Variants in KIAA0232 observed in about 807,000 individuals in gnomAD.
KIAA0232 encodes the protein uncharacterized protein KIAA0232.
A neutral mutation model predicts 122.0 loss-of-function variants in KIAA0232; 27 were observed. The observed-to-expected ratio is 0.22, with a 90% CI of 0.16 to 0.31. KIAA0232 has a LOEUF of 0.31. Among genes scored for constraint, KIAA0232 ranks in the 10% least tolerant of loss-of-function variants. The probability of loss-of-function intolerance (pLI) is 1.00; values close to 1 mark genes in which losing one functional copy is unlikely to be tolerated. For synonymous variants in KIAA0232, 613 were observed against 587.6 expected, an observed-to-expected ratio of 1.04 and a Z score of -0.63; for missense variants, 1,551 against 1,634.2, an observed-to-expected ratio of 0.95 and a Z score of 0.88.
At chr4:6,813,275 G>A (rs975270645) in intron 2 of KIAA0232, among the ~76,000 whole-genome samples, 1 of 151,594 alleles carries the variant, frequency 6.6e-6, no homozygotes, top group Non-Finnish European at 1.5e-5. Flanking sequence ...TAAATTACTT[G>A]TGTGAAGTGT....
intron 4 of KIAA0232, among the ~76,000 whole-genome samples, chr4:6,851,745 G>T (rs1211449682): frequency 6.8e-6 from 1 of 147,494 alleles, no homozygotes; most frequent in Non-Finnish European, 1.5e-5. Flanking sequence ...AAAAAAAAGC[G>T]GGGAGGGGTT....
chr4:6,854,927 A>G (rs556462336), intron 4 of KIAA0232, among the ~76,000 whole-genome samples: 1 of 152,192 alleles, frequency 6.6e-6, no homozygotes, highest in East Asian at 1.9e-4. Flanking sequence ...TAATTGGGAA[A>G]GTGAATAAAA....
intron 1 of KIAA0232, among the ~76,000 whole-genome samples, chr4:6,789,288 T>TC (rs1381808734): frequency 1.3e-5 from 2 of 148,318 alleles, no homozygotes; most frequent in African/African-American, 2.5e-5. Context: ...TTTTTTTTTT[T>TC]CCCGAGACTG....
At chr4:6,860,017 GT>G (rs973952003) in intron 6 of KIAA0232, among the ~76,000 whole-genome samples, 4 of 152,142 alleles carry the variant, frequency 2.6e-5, no homozygotes, top group African/African-American at 9.7e-5. Flanking sequence ...GGCCTCACAG[GT>G]AGTACTCACT....
chr4:6,813,350 TG>T (rs1717960879), intron 2 of KIAA0232, among the ~76,000 whole-genome samples: 1 of 148,414 alleles, frequency 6.7e-6, no homozygotes, highest in South Asian at 2.2e-4. Flanking sequence ...TACTTAGATC[TG>T]TTTTTTTTTT....
chr4:6,851,501 A>G (rs751569222), intron 4 of KIAA0232, among the ~76,000 whole-genome samples: 3 of 152,046 alleles, frequency 2.0e-5, no homozygotes, highest in African/African-American at 4.8e-5. Context: ...TGAGCCTGGC[A>G]GTTTGAAACC....
At chr4:6,816,375 C>G (rs750037374) in intron 2 of KIAA0232, among the ~76,000 whole-genome samples, 7 of 151,778 alleles carry the variant, frequency 4.6e-5, no homozygotes, top group African/African-American at 1.2e-4. Flanking sequence ...CTCTACCTCC[C>G]GGGTTCACGC....
Position 6,871,691 on chromosome 4 carries a change from A to T in KIAA0232, c.3910+9A>T. Reference sequence around the variant, plus strand: ...TGCATCAGAGTGTGAAGGTAAGGAGACCTTTGTTAGTTCATTTATTCATTG... The same window carrying T: ...TGCATCAGAGTGTGAAGGTAAGGAGTCCTTTGTTAGTTCATTTATTCATTG... On this transcript the variant is annotated intron_variant, in intron 8 of 9. Coordinates refer to ENST00000307659, the MANE Select transcript of KIAA0232 (RefSeq NM_014743.3). 1 of 1,483,898 alleles carries T rather than the reference A, an allele frequency of 6.7e-7. No homozygotes were observed. Among genetic ancestry groups the T allele is most frequent in the Non-Finnish European group, 9.3e-7 (1 of 1,071,026 alleles). The allele number at this position is 1,483,898 out of a possible 1,614,324, so 91.9% of individuals were successfully genotyped here. A position where few individuals can be genotyped will look rare whatever the true frequency, so the allele number is the denominator to read the frequency against.
At chr4:6,783,340 C>T (rs1241951962) in intron 1 of KIAA0232, among the ~76,000 whole-genome samples, 1 of 152,208 alleles carries the variant, frequency 6.6e-6, no homozygotes, top group Non-Finnish European at 1.5e-5. Context: ...GATGAGTCCG[C>T]ACAATGGGTT....
rs1720923892 is a variant in KIAA0232, at chr4:6,862,367, TTTC to T, written c.1988_1990del (p.Ser663del). 2 of 1,614,174 alleles carry T rather than the reference TTTC, an allele frequency of 1.2e-6. No individual in the cohort carries two copies. The highest frequency in any genetic ancestry group is 4.5e-5 in the East Asian group (2 of 44,886). On this transcript the variant is annotated inframe_deletion, in exon 7 of 10. Transcript: ENST00000307659. ...CAATGCAGTAATTCTGTTTTACCAT[TTTC>T]TTTTGAAACACTCAACTTGGGAAAT...
intron 3 of KIAA0232, among the ~76,000 whole-genome samples, chr4:6,830,034 ATTC>A (rs1270138755): frequency 6.6e-6 from 1 of 152,142 alleles, no homozygotes; most frequent in Non-Finnish European, 1.5e-5. Context: ...TTTGTTTATT[ATTC>A]TTATTAGGAG....
Position 6,822,320 on chromosome 4 carries a change from T to G in KIAA0232, c.-269-1865T>G, listed in dbSNP as rs547136036. Among the ~76,000 whole-genome samples, 5 of 152,320 alleles carry G rather than the reference T, an allele frequency of 3.3e-5. No homozygotes were observed. In the South Asian group the frequency reaches 1.0e-3, roughly 32 times the overall value. On this transcript the variant is annotated intron_variant, in intron 2 of 9. Transcript: ENST00000307659. ...AACATGTATTAGTGACACATTAATT[T>G]AGTAACTTAGTCCTGCGGTGAACTT...
At position 6,863,553 on chromosome 4, in the gene KIAA0232, A is replaced by G. The variant is rs200266262; in HGVS notation, c.3171A>G (p.Ser1057=). The G allele has an allele frequency of 2.5e-6, 4 of 1,614,224 alleles. No homozygotes were observed. Among genetic ancestry groups the G allele is most frequent in the Admixed American group, 3.3e-5 (2 of 60,012 alleles). ...CACAAGTTCTTCATGTAGAATGCTCATTTGAACCTGAAGGGATTGCATCTT... is the reference window on the plus strand; with the variant it reads ...CACAAGTTCTTCATGTAGAATGCTCGTTTGAACCTGAAGGGATTGCATCTT... ...PFSQVLHVEC[S]FEPEGIASFS... The change falls in exon 7 of 10, where the codon TCA becomes TCG. Residue 1057 remains serine, a synonymous_variant. Transcript: ENST00000307659.
At chr4:6,783,061 C>T in intron 1 of KIAA0232, among the ~76,000 whole-genome samples, 1 of 150,904 alleles carries the variant, frequency 6.6e-6, no homozygotes, top group African/African-American at 2.4e-5. Context: ...GCCGAGGGCT[C>T]CGGGGCCAGC....
At chr4:6,808,888 T>C (rs1045401231) in intron 2 of KIAA0232, among the ~76,000 whole-genome samples, 34 of 152,354 alleles carry the variant, frequency 2.2e-4, no homozygotes, top group African/African-American at 6.7e-4. Context: ...AAATGGTACA[T>C]GTGGAGGATG....
Position 6,792,683 on chromosome 4 carries a change from T to G in KIAA0232, c.-354+9842T>G, listed in dbSNP as rs112807732. 8.2e-3 allele frequency among the ~76,000 whole-genome samples: 1,118 copies of G among 135,626 alleles called. 14 individuals are homozygous for G. The highest frequency in any genetic ancestry group is 0.031 in the African/African-American group (1,037 of 33,690). The allele number at this position is 135,626 out of a possible 152,430, so 89.0% of individuals were successfully genotyped here. A position where few individuals can be genotyped will look rare whatever the true frequency, so the allele number is the denominator to read the frequency against. On this transcript the variant is annotated intron_variant, in intron 1 of 9. Coordinates refer to ENST00000307659, the MANE Select transcript of KIAA0232 (RefSeq NM_014743.3). ...TGTTGTAGTCTTGATAGTCTTAGGT[T>G]TTTTTTTTTTTGTTTTTTTTTTTTG...
At chr4:6,874,236 T>C (rs1253630706) in intron 8 of KIAA0232, among the ~76,000 whole-genome samples, 1 of 152,242 alleles carries the variant, frequency 6.6e-6, no homozygotes, top group Non-Finnish European at 1.5e-5. Flanking sequence ...AAACAGATCG[T>C]GTCCCTGTCC....
chr4:6,873,816 G>A (rs1196222141), intron 8 of KIAA0232, among the ~76,000 whole-genome samples: 2 of 152,160 alleles, frequency 1.3e-5, no homozygotes, highest in Non-Finnish European at 2.9e-5. Flanking sequence ...TTAAGTCCCT[G>A]CATATTTGCC....
rs548983596 is a variant in KIAA0232 at position 6,800,536 on chromosome 4, C to T, written c.-353-3987C>T. ...ATCTCTACTAAAAATACAAAATTAG[C>T]TGGGTGTGGTGGTATGCACCTGTAA... On this transcript the variant is annotated intron_variant, in intron 1 of 9. Transcript: ENST00000307659. Among the ~76,000 whole-genome samples the T allele has an allele frequency of 4.0e-5, 6 of 151,710 alleles. No individual in the cohort carries two copies. The East Asian group carries it at 7.9e-4, about 20-fold the overall frequency.
Sources: allele counts gnomAD v4.1 joint callset (sites outside exome capture counted in the v4.1 genomes callset), GRCh38; gene constraint gnomAD v4.1.1; transcripts MANE v1.5; gene names NCBI Gene and HGNC (gene_info 2026-07-23, HGNC 2026-07-21).